LYST: variants seen among roughly 807,000 people sequenced by gnomAD.
The protein encoded by LYST is lysosomal-trafficking regulator.
A neutral mutation model predicts 413.6 loss-of-function variants in LYST; 192 were observed. The ratio of observed to expected loss-of-function variants is 0.46; its 90% CI spans 0.41 to 0.52. The LOEUF (loss-of-function observed/expected upper bound fraction) is 0.52, where lower values mean the gene tolerates loss of function less well. Ranked by LOEUF, LYST falls within the 20% of genes least tolerant of loss-of-function variation. The pLI, the probability that LYST is intolerant of heterozygous loss-of-function variation, is 0.00. For synonymous variants in LYST, 1,525 were observed against 1,567.3 expected, an observed-to-expected ratio of 0.97 and a Z score of 0.64; for missense variants, 3,815 against 4,499.9, an observed-to-expected ratio of 0.85 and a Z score of 4.35.
At chr1:235,680,099 A>G (rs577531396) in intron 48 of LYST, among the ~76,000 whole-genome samples, 13 of 151,826 alleles carry the variant, frequency 8.6e-5, no homozygotes, top group South Asian at 4.1e-4. Flanking sequence ...ATATATACTT[A>G]TAAGTTATAT....
intron 31 of LYST, chr1:235,737,847 G>T: frequency 1.0e-6 from 1 of 975,998 alleles, no homozygotes; most frequent in Non-Finnish European, 1.2e-6. Flanking sequence ...GAAGGAAACA[G>T]CATTTATCCT....
Position 235,730,891 on chromosome 1 carries a change from A to G in LYST, c.9000T>C (p.Ser3000=). 2 of 1,613,832 alleles carry G rather than the reference A, an allele frequency of 1.2e-6. No homozygotes were observed. Among genetic ancestry groups the G allele is most frequent in the South Asian group, 1.1e-5 (1 of 91,076 alleles). ...SYLFEDKTHS[S]FSSTVKDKAA... The stretch of plus-strand genomic sequence containing the variant: ...CTTTGTCTTTGACAGTAGAAGAGAA[A>G]GAAGAATGAGTTTTGTCTTCAAACA... Residue 3000 remains serine (S), a synonymous_variant, in exon 36 of 53, where the codon TCT becomes TCC. Transcript: ENST00000389793.
At chr1:235,851,605 CCTAA>C (rs1287772354) in intron 1 of LYST, among the ~76,000 whole-genome samples, 2 of 151,596 alleles carry the variant, frequency 1.3e-5, no homozygotes, top group South Asian at 2.1e-4. Flanking sequence ...AAGAATGATT[CCTAA>C]CTAAAGACAA....
rs766862486 is a variant in LYST at position 235,731,142 on chromosome 1, G to A, written c.8837C>T (p.Ser2946Leu). 2 of 1,613,936 alleles carry A rather than the reference G, an allele frequency of 1.2e-6. No homozygotes were observed. The highest frequency in any genetic ancestry group is 1.3e-5 in the African/African-American group (1 of 74,890). ...CCCTTCTGTTGGATCCAACTGCCAT[G>A]AGGTTGGATAGTAGATGGGGTCATA... ...VWYDPIYYPTSWQLDPTEGPN... is the reference protein window; with the variant it reads ...VWYDPIYYPTLWQLDPTEGPN... Residue 2946 changes from serine to leucine, a missense_variant, in exon 35 of 53, where the codon TCA (serine) becomes TTA (leucine). Physicochemically the swap from Ser to Leu is moderately radical, Grantham distance 145. Around this residue, in one of 4 missense-constraint regions of LYST, gnomAD observed 866 missense variants for 1,156.0 expected, o/e 0.75. Coordinates refer to ENST00000389793, the MANE Select transcript of LYST (RefSeq NM_000081.4).
At chr1:235,865,411 C>T (rs1019334017) in intron 1 of LYST, among the ~76,000 whole-genome samples, 1 of 152,106 alleles carries the variant, frequency 6.6e-6, no homozygotes, top group Non-Finnish European at 1.5e-5. Context: ...TCTGAGGTCC[C>T]CACTAGAATA....
rs1394283731 is a variant in LYST, at chr1:235,731,151, T to C, written c.8828A>G (p.Tyr2943Cys). The C allele has an allele frequency of 1.9e-6, 3 of 1,613,974 alleles. No homozygotes were observed. Among genetic ancestry groups the C allele is most frequent in the Non-Finnish European group, 2.5e-6 (3 of 1,179,996 alleles). Residue 2943 changes from tyrosine to cysteine, a missense_variant, in exon 35 of 53, where the codon TAT becomes TGT. Around this residue, in one of 4 missense-constraint regions of LYST, gnomAD observed 866 missense variants for 1,156.0 expected, o/e 0.75. Coordinates refer to ENST00000389793, the MANE Select transcript of LYST (RefSeq NM_000081.4). ...DRAVWYDPIYYPTSWQLDPTE... is the reference protein window; with the variant it reads ...DRAVWYDPIYCPTSWQLDPTE... ...TGGATCCAACTGCCATGAGGTTGGATAGTAGATGGGGTCATACCATACTGC... is the reference window on the plus strand; with the variant it reads ...TGGATCCAACTGCCATGAGGTTGGACAGTAGATGGGGTCATACCATACTGC...
chr1:235,846,471 C>T (rs1287706483), intron 1 of LYST, among the ~76,000 whole-genome samples: 1 of 152,114 alleles, frequency 6.6e-6, no homozygotes, highest in African/African-American at 2.4e-5. Context: ...GGCTCTTCAA[C>T]ACCCCCCCAA....
intron 24 of LYST, among the ~76,000 whole-genome samples, chr1:235,756,907 C>T (rs1370213167): frequency 6.6e-6 from 1 of 152,054 alleles, no homozygotes; most frequent in Non-Finnish European, 1.5e-5. Flanking sequence ...TTTGATAGTA[C>T]ACTGAAGAAG....
In LYST at chr1:235,777,079, A is replaced by G; in HGVS notation, c.5444T>C (p.Val1815Ala). The change falls in exon 17 of 53, where the codon GTT becomes GCT. Residue 1815 changes from valine (V) to alanine (A), a missense_variant. Val to Ala is a moderately conservative substitution (Grantham distance 64, BLOSUM62 0). This residue lies in a region of LYST where 530 missense variants were observed against 696.5 expected (regional missense o/e 0.76). Transcript: ENST00000389793. ...GATTCTTACCCTGGCAAAGAGAAAA[A>G]CAAATATGCCAGTTCCACCAATTTC... Reference protein sequence around the residue: ...LHEIGGTGIFVFLFARVVELS... With the variant: ...LHEIGGTGIFAFLFARVVELS... 3 of 1,613,500 alleles carry G rather than the reference A, an allele frequency of 1.9e-6. No individual in the cohort carries two copies. Among genetic ancestry groups the G allele is most frequent in the Non-Finnish European group, 2.5e-6 (3 of 1,179,608 alleles).
chr1:235,700,398 G>C (rs1031650465), intron 45 of LYST, among the ~76,000 whole-genome samples: 1 of 152,000 alleles, frequency 6.6e-6, no homozygotes, highest in Non-Finnish European at 1.5e-5. Flanking sequence ...AAAAACAAAC[G>C]ACCTCATGAA....
Position 235,800,339 on chromosome 1 carries a change from C to G in LYST, c.3987G>C (p.Gln1329His). Residue 1329 changes from glutamine to histidine, a missense_variant, in exon 10 of 53, where the codon CAG becomes CAC. Coordinates refer to ENST00000389793, the MANE Select transcript of LYST (RefSeq NM_000081.4). ...LLGGFLSILT[Q>H]DDSDFQACQR... ...ACTTACCTTGAAAATCAGAATCATC[C>G]TGTGTTAAAATACTCAAGAACCCTC... is the stretch of plus-strand genomic sequence containing the variant. The G allele has an allele frequency of 6.3e-7, 1 of 1,589,034 alleles. No homozygotes were observed. The highest frequency in any genetic ancestry group is 8.6e-7 in the Non-Finnish European group (1 of 1,157,600).
At chr1:235,769,424 C>T (rs930433681) in intron 20 of LYST, among the ~76,000 whole-genome samples, 4 of 151,894 alleles carry the variant, frequency 2.6e-5, no homozygotes, top group East Asian at 1.9e-4. Flanking sequence ...TGAATTTTAG[C>T]CCAACTATAA....
chr1:235,790,189 A>G (rs1670844120), intron 12 of LYST, among the ~76,000 whole-genome samples: 1 of 152,216 alleles, frequency 6.6e-6, no homozygotes, highest in Non-Finnish European at 1.5e-5. Context: ...TCATTTTATA[A>G]GAGACTGTTT....
chr1:235,836,955 C>T (rs939524674), intron 1 of LYST, among the ~76,000 whole-genome samples: 18 of 152,134 alleles, frequency 1.2e-4, no homozygotes, highest in African/African-American at 4.3e-4. Flanking sequence ...ATCAGGATAT[C>T]ATCAATAAAT....
intron 27 of LYST, 92 bp from the exon 28 acceptor site, chr1:235,751,454 G>T: frequency 1.7e-6 from 2 of 1,164,330 alleles, no homozygotes; most frequent in Non-Finnish European, 2.5e-6. Context: ...ATAATGTTTT[G>T]ATATAAATTT....
At chr1:235,877,855 C>A (rs1382379277) in intron 1 of LYST, among the ~76,000 whole-genome samples, 109 of 113,442 alleles carry the variant, frequency 9.6e-4, no homozygotes, top group African/African-American at 1.1e-3. Context: ...TATCTGCCAC[C>A]AAAAAAAAAA....
chr1:235,748,446 GATT>G (rs1468076491), intron 28 of LYST, among the ~76,000 whole-genome samples: 5 of 151,820 alleles, frequency 3.3e-5, no homozygotes, highest in Non-Finnish European at 7.4e-5. Context: ...CAAAATAATA[GATT>G]ATTTTGTAAT....
intron 45 of LYST, among the ~76,000 whole-genome samples, chr1:235,702,270 A>C (rs1160724835): frequency 6.6e-6 from 1 of 152,214 alleles, no homozygotes. Flanking sequence ...TTATCATTAC[A>C]ACCTGAGGAG....
At chr1:235,798,533 G>A (rs564115838) in intron 10 of LYST, among the ~76,000 whole-genome samples, 1 of 121,294 alleles carries the variant, frequency 8.2e-6, no homozygotes, top group Admixed American at 1.1e-4. Context: ...AGCTGAGATC[G>A]CACCACTGCA....
Sources: allele counts gnomAD v4.1 joint callset (sites outside exome capture counted in the v4.1 genomes callset), GRCh38; gene constraint gnomAD v4.1.1; regional missense constraint gnomAD v4.1.1; transcripts MANE v1.5; gene names NCBI Gene and HGNC (gene_info 2026-07-23, HGNC 2026-07-21).